RAD9B: variants seen among roughly 807,000 people sequenced by gnomAD.
The protein encoded by RAD9B is RAD9 checkpoint clamp component B, also known as cell cycle checkpoint control protein RAD9B.
A neutral mutation model predicts 48.3 loss-of-function variants in RAD9B; 41 were observed. The ratio of observed to expected loss-of-function variants is 0.85; its 90% confidence interval spans 0.66 to 1.10. The LOEUF (loss-of-function observed/expected upper bound fraction) is 1.10, where lower values mean the gene tolerates loss of function less well. Among genes scored for constraint, RAD9B ranks in the 50% least tolerant of loss-of-function variants. The probability of loss-of-function intolerance (pLI) is 0.00; values close to 1 mark genes in which losing one functional copy is unlikely to be tolerated. For synonymous variants in RAD9B, 160 were observed against 157.9 expected (o/e 1.01, Z -0.10); for missense variants, 444 against 485.1 (o/e 0.92, Z 0.80).
chr12:110,532,500 G>C lies in RAD9B; in HGVS notation c.*1847G>C. ...GTGGGCGGATCAGTTGAGCCCAGCA[G>C]TTCAAGACTAGCCTGGGCAACATGG... On this transcript the variant is annotated 3_prime_UTR_variant, in exon 11 of 11. Coordinates refer to ENST00000409300, the MANE Select transcript of RAD9B (RefSeq NM_001286535.2). Among the ~76,000 whole-genome samples, 1 of 152,220 alleles carries C rather than the reference G, an allele frequency of 6.6e-6. No homozygotes were observed. Among genetic ancestry groups the C allele is most frequent in the East Asian group, 1.9e-4 (1 of 5,202 alleles).
Position 110,533,131 on chromosome 12 carries a change from A to G in RAD9B, c.*2478A>G, listed in dbSNP as rs986358810. 1.3e-5 allele frequency: 2 copies of G among 152,224 alleles called. No homozygotes were observed. Among genetic ancestry groups the G allele is most frequent in the African/African-American group, 4.8e-5 (2 of 41,448 alleles). The allele number at this position is 152,224 out of a possible 1,614,324, so 9.4% of individuals were successfully genotyped here. A position where few individuals can be genotyped will look rare whatever the true frequency, so the allele number is the denominator to read the frequency against. ...CCAGTTAAAGTAGCAGCATATAATC[A>G]GTGCTAGAATGACTAGGAGGCTTGG... is the stretch of plus-strand genomic sequence containing the variant. On this transcript the variant is annotated 3_prime_UTR_variant, in exon 11 of 11. Transcript: ENST00000409300.
chr12:110,531,935 G>A lies in RAD9B; in HGVS notation c.*1282G>A. The A allele has an allele frequency of 3.2e-6, 1 of 313,722 alleles. No homozygotes were observed. Among genetic ancestry groups the A allele is most frequent in the Non-Finnish European group, 5.8e-6 (1 of 171,826 alleles). 19.4% of individuals were successfully genotyped at this position (313,722 alleles called of 1,614,324 possible). On this transcript the variant is annotated 3_prime_UTR_variant, in exon 11 of 11. Transcript: ENST00000409300. ...GGCAAGCAGTTGTACTTTAGACTTT[G>A]TGAGAAATTCATAAAGGTGGCTGAG...
chr12:110,507,574 A>G (rs1232309797), intron 4 of RAD9B, among the ~76,000 whole-genome samples: 1 of 142,982 alleles, frequency 7.0e-6, no homozygotes, highest in African/African-American at 2.6e-5. Flanking sequence ...TGTATTATAT[A>G]TGTATAATAT....
chr12:110,518,580 A>G (rs2063679716), intron 6 of RAD9B, 96 bp from the exon 7 acceptor site: 1 of 724,448 alleles, frequency 1.4e-6, no homozygotes, highest in Non-Finnish European at 2.2e-6. Context: ...GCAGGAGGAA[A>G]TGGGATGGGA....
At chr12:110,509,228 A>C (rs886567749) in intron 4 of RAD9B, among the ~76,000 whole-genome samples, 2 of 151,722 alleles carry the variant, frequency 1.3e-5, no homozygotes, top group Non-Finnish European at 2.9e-5. Context: ...TTGGCCTTCC[A>C]AAGTGCTGGA....
intron 10 of RAD9B, among the ~76,000 whole-genome samples, chr12:110,526,541 G>C (rs1052695833): frequency 1.3e-5 from 2 of 152,184 alleles, no homozygotes; most frequent in African/African-American, 4.8e-5. Flanking sequence ...AGACACAGGT[G>C]CTGTATTTAG....
chr12:110,520,406 T>A (rs937662864), intron 9 of RAD9B, among the ~76,000 whole-genome samples: 2 of 151,964 alleles, frequency 1.3e-5, no homozygotes, highest in Admixed American at 6.6e-5. Flanking sequence ...GAGACAGGGT[T>A]TCACCATGTT....
chr12:110,521,412 C>T (rs2063781126), intron 9 of RAD9B, among the ~76,000 whole-genome samples: 1 of 152,018 alleles, frequency 6.6e-6, no homozygotes, highest in African/African-American at 2.4e-5. Flanking sequence ...CCTCGGCCTC[C>T]CAGAGTGCTA....
At chr12:110,502,505 C>T in intron 1 of RAD9B, 122 bp downstream of exon 1, 1 of 1,110,906 alleles carries the variant, frequency 9.0e-7, no homozygotes, top group Non-Finnish European at 1.3e-6. Context: ...GACGCACGCC[C>T]TGGCCACAGC....
Position 110,531,893 on chromosome 12 carries a change from G to GT in RAD9B, c.*1241dup. 4.8e-6 allele frequency: 2 copies of GT among 412,808 alleles called. No homozygotes were observed. 25.6% of individuals were successfully genotyped at this position (412,808 alleles called of 1,614,324 possible). A position where few individuals can be genotyped will look rare whatever the true frequency, so the allele number is the denominator to read the frequency against. On this transcript the variant is annotated 3_prime_UTR_variant, in exon 11 of 11. Transcript: ENST00000409300. The stretch of plus-strand genomic sequence containing the variant: ...TACATCTTTCTGAAACCTTCAAACC[G>GT]TAAGGAAGTGTTAACTGGCAAGCAG...
chr12:110,509,692 C>G (rs761366063), intron 4 of RAD9B, among the ~76,000 whole-genome samples: 9 of 152,152 alleles, frequency 5.9e-5, no homozygotes, highest in Admixed American at 1.3e-4. Context: ...TTGGGGATGA[C>G]AAAGAAAAGA....
intron 10 of RAD9B, 48 bp from the exon 11 acceptor site, chr12:110,530,477 C>G (rs1433466034): frequency 1.9e-6 from 3 of 1,595,534 alleles, no homozygotes; most frequent in Non-Finnish European, 2.6e-6. Context: ...ATTTAATGAG[C>G]AAACTTTCTC....
At chr12:110,529,518 A>G (rs2064059146) in intron 10 of RAD9B, among the ~76,000 whole-genome samples, 2 of 152,044 alleles carry the variant, frequency 1.3e-5, no homozygotes, top group Non-Finnish European at 2.9e-5. Flanking sequence ...TGGGAGGTGA[A>G]GGCAGGAGGA....
At chr12:110,506,723 C>T (rs1384964925) in intron 4 of RAD9B, 30 bp downstream of exon 4, 3 of 1,072,708 alleles carry the variant, frequency 2.8e-6, no homozygotes, top group Admixed American at 3.9e-5. Context: ...GTTTAAAATA[C>T]TATGTTTTTT....
chr12:110,502,514 GC>G, intron 1 of RAD9B, 131 bp downstream of exon 1: 1 of 1,019,090 alleles, frequency 9.8e-7, no homozygotes, highest in Non-Finnish European at 1.5e-6. Context: ...CCTGGCCACA[GC>G]CCCACCCACT....
intron 5 of RAD9B, 51 bp downstream of exon 5, chr12:110,512,929 T>C: frequency 1.0e-5 from 9 of 895,832 alleles, no homozygotes; most frequent in Non-Finnish European, 1.4e-5. Context: ...AGTATGATCA[T>C]GGAGTGAAGA....
In RAD9B at chr12:110,519,821, G is replaced by A; in HGVS notation, c.795G>A (p.Met265Ile). Residue 265 changes from methionine to isoleucine, a missense_variant, in exon 9 of 11, where the codon ATG becomes ATA. Transcript: ENST00000409300. ...GKPLALSIDDMLVEANFILAT... is the reference protein window; with the variant it reads ...GKPLALSIDDILVEANFILAT... ...CTCTGGCTTTGAGTATTGATGATAT[G>A]TTAGTGGAAGCTAACTTTATTTTGG... The A allele has an allele frequency of 1.9e-6, 3 of 1,613,044 alleles. No homozygotes were observed. In the East Asian group the frequency reaches 6.7e-5, roughly 36 times the overall value.
rs543405257 is a variant in RAD9B at position 110,503,787 on chromosome 12, C to T, written c.47-19C>T. 2 of 1,578,844 alleles carry T rather than the reference C, an allele frequency of 1.3e-6. No homozygotes were observed. The highest frequency in any genetic ancestry group is 1.7e-5 in the Admixed American group (1 of 58,682). On this transcript the variant is annotated intron_variant, in intron 1 of 10. Transcript: ENST00000409300. ...TTAGAGGGAAAGAATATAAGCATCA[C>T]CTTTCTTTTTCTCCATAGTATTTGG...
chr12:110,517,148 C>T (rs1333732109), intron 6 of RAD9B, among the ~76,000 whole-genome samples: 1 of 152,032 alleles, frequency 6.6e-6, no homozygotes, highest in East Asian at 1.9e-4. Flanking sequence ...GCCTGGCCAA[C>T]ACAGCAAGAT....
Sources: allele counts gnomAD v4.1 joint callset (sites outside exome capture counted in the v4.1 genomes callset), GRCh38; gene constraint gnomAD v4.1.1; transcripts MANE v1.5; gene names NCBI Gene and HGNC (gene_info 2026-07-23, HGNC 2026-07-21).